SCNN1B: variants seen among roughly 807,000 people sequenced by gnomAD.
SCNN1B encodes the protein sodium channel epithelial 1 subunit beta, also known as epithelial sodium channel subunit beta.
Under a neutral mutation model 65.3 loss-of-function variants are expected in SCNN1B, and 46 were observed. That is an observed-to-expected ratio of 0.70 (90% confidence interval 0.56 to 0.90). SCNN1B has a LOEUF of 0.90. SCNN1B is among the 40% of genes least tolerant of loss of function. SCNN1B has a pLI of 0.00. For missense variants in SCNN1B, 751 were observed against 830.5 expected, an observed-to-expected ratio of 0.90 and a Z score of 1.18; for synonymous variants, 349 against 330.6, an observed-to-expected ratio of 1.06 and a Z score of -0.60.
intron 1 of SCNN1B, among the ~76,000 whole-genome samples, chr16:23,282,496 A>G (rs1960797333): frequency 6.6e-6 from 1 of 152,244 alleles, no homozygotes; most frequent in Admixed American, 6.5e-5. Flanking sequence ...AAAGGAATCT[A>G]TGAATACTCC....
At chr16:23,378,800 C>T (rs777056967) in intron 11 of SCNN1B, 33 bp downstream of exon 11, 2 of 1,606,110 alleles carry the variant, frequency 1.2e-6, no homozygotes, top group African/African-American at 2.7e-5. Context: ...CTGGGGAAGA[C>T]AGGGAAGGGG....
intron 1 of SCNN1B, among the ~76,000 whole-genome samples, chr16:23,312,932 T>G (rs1477735346): frequency 6.6e-6 from 1 of 152,138 alleles, no homozygotes; most frequent in African/African-American, 2.4e-5. Context: ...TTCCTACATT[T>G]GGGTGGGAAG....
At chr16:23,351,875 C>G (rs373407213) in intron 2 of SCNN1B, among the ~76,000 whole-genome samples, 3 of 152,160 alleles carry the variant, frequency 2.0e-5, no homozygotes, top group Non-Finnish European at 4.4e-5. Context: ...TTGCTCCCCC[C>G]TGGGAGGGAG....
At chr16:23,332,327 C>G (rs1961830599) in intron 1 of SCNN1B, among the ~76,000 whole-genome samples, 1 of 152,000 alleles carries the variant, frequency 6.6e-6, no homozygotes, top group Admixed American at 6.6e-5. Flanking sequence ...TCCCGAGTAG[C>G]TGGGATTACA....
Position 23,283,415 on chromosome 16 carries a change from A to G in SCNN1B, n.111-322A>G, listed in dbSNP as rs541249111. On this transcript the variant is annotated intron_variant and non_coding_transcript_variant, in intron 1 of 3. Transcript: ENST00000569789. ...AACAGAGCAAGACTCCATCTCCAAA[A>G]ATAAGAAGGACACTTACTTTAGCCT... Among the ~76,000 whole-genome samples the G allele has an allele frequency of 8.5e-5, 13 of 152,342 alleles. No homozygotes were observed. In the South Asian group the frequency reaches 2.7e-3, roughly 32 times the overall value.
At chr16:23,317,742 G>A (rs1021731181) in intron 1 of SCNN1B, among the ~76,000 whole-genome samples, 1 of 152,236 alleles carries the variant, frequency 6.6e-6, no homozygotes, top group Admixed American at 6.5e-5. Flanking sequence ...CTAAATAGCA[G>A]TAAAGGTGAG....
chr16:23,353,160 C>G, intron 3 of SCNN1B, 86 bp downstream of exon 3: 27 of 1,447,168 alleles, frequency 1.9e-5, no homozygotes, highest in Non-Finnish European at 2.5e-5. Context: ...ATTTGAGTCT[C>G]GCTGGGGGAA....
chr16:23,289,673 C>CTTTTT (rs11369014), intron 2 of SCNN1B, among the ~76,000 whole-genome samples: 3 of 124,112 alleles, frequency 2.4e-5, no homozygotes, highest in African/African-American at 3.1e-5. Flanking sequence ...CAATATTTAA[C>CTTTTT]TTTTTTTTTT....
intron 2 of SCNN1B, among the ~76,000 whole-genome samples, chr16:23,290,029 A>G (rs1960901951): frequency 6.6e-6 from 1 of 152,158 alleles, no homozygotes; most frequent in African/African-American, 2.4e-5. Flanking sequence ...TAAAAAGGCA[A>G]GAAACAGGCT....
intron 10 of SCNN1B, among the ~76,000 whole-genome samples, 178 bp downstream of exon 10, chr16:23,377,564 CCT>C (rs970938931): frequency 8.1e-6 from 1 of 123,858 alleles, no homozygotes; most frequent in Non-Finnish European, 1.8e-5. Flanking sequence ...CTTCCTTCCT[CCT>C]CTCTTTTCCC....
At chr16:23,284,224 G>A (rs2141967643) in intron 2 of SCNN1B, among the ~76,000 whole-genome samples, 1 of 152,140 alleles carries the variant, frequency 6.6e-6, no homozygotes, top group South Asian at 2.1e-4. Context: ...GGCCAACATG[G>A]CGAAAACCTG....
intron 2 of SCNN1B, among the ~76,000 whole-genome samples, chr16:23,352,314 C>T (rs1040913316): frequency 1.3e-5 from 2 of 152,106 alleles, no homozygotes; most frequent in Non-Finnish European, 2.9e-5. Context: ...GGGTGTTCTT[C>T]TTATACATAG....
intron 1 of SCNN1B, among the ~76,000 whole-genome samples, chr16:23,327,210 C>T (rs1961715223): frequency 6.6e-6 from 1 of 152,082 alleles, no homozygotes; most frequent in Non-Finnish European, 1.5e-5. Flanking sequence ...AGCCACCATG[C>T]CTGGCCTAAC....
Position 23,343,639 on chromosome 16 carries a change from GAA to G in SCNN1B, c.-8-4951_-8-4950del, listed in dbSNP as rs1369211590. Among the ~76,000 whole-genome samples, 4 of 99,542 alleles carry G rather than the reference GAA, an allele frequency of 4.0e-5. 1 individual carries two copies. Among genetic ancestry groups the G allele is most frequent in the Non-Finnish European group, 6.3e-5 (3 of 47,726 alleles). 65.3% of individuals were successfully genotyped at this position (99,542 alleles called of 152,430 possible). A position where few individuals can be genotyped will look rare whatever the true frequency, so the allele number is the denominator to read the frequency against. On this transcript the variant is annotated intron_variant, in intron 1 of 12. Coordinates refer to ENST00000343070, the MANE Select transcript of SCNN1B (RefSeq NM_000336.3). ...AGAAAGAAAGAAAGAAAGAAAGAAA[GAA>G]AGAAAGAAAAAAAGAAAGGAAGGAA...
chr16:23,356,871 G>C (rs370880915), intron 4 of SCNN1B, among the ~76,000 whole-genome samples: 13 of 152,192 alleles, frequency 8.5e-5, no homozygotes, highest in African/African-American at 3.1e-4. Context: ...CAGAAACGGG[G>C]GGAATCTCCA....
rs769971873 is a variant in SCNN1B, at chr16:23,380,375, C to A, written c.1543-46C>A. On this transcript the variant is annotated intron_variant, in intron 12 of 12. Coordinates refer to ENST00000343070, the MANE Select transcript of SCNN1B (RefSeq NM_000336.3). This position sits in a 1 kb window ranked among gnomAD's most constrained non-coding sequence, Gnocchi z 5.4. ...GGAAGCTGTGAGGCTGGGCTAGAGG[C>A]AAGAATGTGTGGCCTGAGCTCACCC... The A allele has an allele frequency of 1.9e-6, 3 of 1,613,438 alleles. No homozygotes were observed. Among genetic ancestry groups the A allele is most frequent in the Non-Finnish European group, 2.5e-6 (3 of 1,179,960 alleles).
chr16:23,324,578 T>C (rs1427843583), intron 1 of SCNN1B, among the ~76,000 whole-genome samples: 1 of 152,196 alleles, frequency 6.6e-6, no homozygotes, highest in East Asian at 1.9e-4. Context: ...CTTGTCCTCC[T>C]ACATAAGCCT....
intron 1 of SCNN1B, among the ~76,000 whole-genome samples, chr16:23,325,216 C>T (rs1393237121): frequency 6.6e-6 from 1 of 152,096 alleles, no homozygotes; most frequent in Non-Finnish European, 1.5e-5. Flanking sequence ...GCAGATTTTT[C>T]TAGTTGATTG....
At chr16:23,351,587 C>T (rs1962310267) in intron 2 of SCNN1B, among the ~76,000 whole-genome samples, 1 of 152,342 alleles carries the variant, frequency 6.6e-6, no homozygotes, top group African/African-American at 2.4e-5. Flanking sequence ...AGGACCTTGG[C>T]CTCTGTCCAG....
Sources: gnomAD v4.1 joint callset for allele counts (sites outside exome capture counted in the v4.1 genomes callset) on GRCh38, gnomAD v4.1.1 for gene constraint, Gnocchi (gnomAD v3.1) non-coding constraint, MANE v1.5 for transcripts, NCBI Gene and HGNC (gene_info 2026-07-23, HGNC 2026-07-21) for gene names.